The following KCNN1 variants were observed in gnomAD, a reference collection of about 807,000 sequenced individuals.
KCNN1 encodes the protein small conductance calcium-activated potassium channel protein 1.
A neutral mutation model predicts 44.7 loss-of-function variants in KCNN1; 20 were observed. The observed-to-expected ratio is 0.45, with a 90% CI of 0.32 to 0.65. The LOEUF (loss-of-function observed/expected upper bound fraction) is 0.65, where lower values mean the gene tolerates loss of function less well. Among genes scored for constraint, KCNN1 ranks in the 30% least tolerant of loss-of-function variants. KCNN1 has a pLI of 0.05. For missense variants in KCNN1, 632 were observed against 785.3 expected (o/e 0.80, Z 2.33); for synonymous variants, 324 against 341.7 (o/e 0.95, Z 0.57).
In KCNN1 at chr19:17,979,390, G is replaced by A. The variant is rs1465868719; in HGVS notation, c.499-2319G>A. On this transcript the variant is annotated intron_variant, in intron 3 of 9. Transcript: ENST00000684775. Reference sequence around the variant, plus strand: ...GGAGCTTGCAGTGAGCCGAGATCGCGTCACTGCACTCCAGCCTGGGCAATG... The same window carrying A: ...GGAGCTTGCAGTGAGCCGAGATCGCATCACTGCACTCCAGCCTGGGCAATG... Among the ~76,000 whole-genome samples, 3 of 134,858 alleles carry A rather than the reference G, an allele frequency of 2.2e-5. 1 individual carries two copies. Among genetic ancestry groups the A allele is most frequent in the African/African-American group, 2.9e-5 (1 of 34,864 alleles). The allele number at this position is 134,858 out of a possible 152,430, so 88.5% of individuals were successfully genotyped here. A position where few individuals can be genotyped will look rare whatever the true frequency, so the allele number is the denominator to read the frequency against.
chr19:17,978,274 C>T (rs566481823), intron 3 of KCNN1, among the ~76,000 whole-genome samples: 1 of 150,934 alleles, frequency 6.6e-6, no homozygotes, highest in South Asian at 2.1e-4. Flanking sequence ...TTACAGGTAC[C>T]TGCCACCACA....
chr19:17,986,722 C>T (rs530837800), intron 5 of KCNN1, among the ~76,000 whole-genome samples: 28 of 152,188 alleles, frequency 1.8e-4, no homozygotes, highest in African/African-American at 6.0e-4. Flanking sequence ...GTCATGAACT[C>T]CTGGGCTCAA....
rs929277872 is a variant in KCNN1 at position 17,999,871 on chromosome 19, C to T, written c.*1465C>T. On this transcript the variant is annotated 3_prime_UTR_variant, in exon 10 of 10. Coordinates refer to ENST00000684775, the MANE Select transcript of KCNN1 (RefSeq NM_001386974.1). ...TGAATGACCAGCTTGGGCCCACGCA[C>T]GAGAAGGGTATGAGGAGGTGCTGGT... The T allele has an allele frequency of 9.3e-6, 4 of 428,376 alleles. No homozygotes were observed. Among genetic ancestry groups the T allele is most frequent in the Non-Finnish European group, 1.9e-5 (4 of 212,008 alleles). 26.5% of individuals were successfully genotyped at this position (428,376 alleles called of 1,614,324 possible).
At chr19:17,960,491 G>C (rs1207632078) in intron 2 of KCNN1, among the ~76,000 whole-genome samples, 2 of 152,058 alleles carry the variant, frequency 1.3e-5, no homozygotes, top group Non-Finnish European at 2.9e-5. Context: ...TTAGCCAGGC[G>C]TGGTGGTGGG....
intron 2 of KCNN1, among the ~76,000 whole-genome samples, chr19:17,961,415 T>C (rs1225530193): frequency 6.6e-6 from 1 of 151,576 alleles, no homozygotes; most frequent in Non-Finnish European, 1.5e-5. Context: ...CGTCTCTACA[T>C]TTAAAAACAA....
chr19:17,989,470 C>T (rs1386420806), intron 6 of KCNN1, among the ~76,000 whole-genome samples: 1 of 152,002 alleles, frequency 6.6e-6, no homozygotes, highest in African/African-American at 2.4e-5. Context: ...AACAAACAAA[C>T]AAACAAAAAA....
At chr19:17,966,031 TCC>T (rs2031798291), upstream of KCNN1, among the ~76,000 whole-genome samples, 5 of 30,862 alleles carry the variant, frequency 1.6e-4, no homozygotes, top group Non-Finnish European at 3.3e-4. Flanking sequence ...CTGCCTTCCT[TCC>T]TTCCTTCCTT....
Position 17,988,396 on chromosome 19 carries a change from C to T in KCNN1, c.1060-19C>T. The T allele has an allele frequency of 6.3e-7, 1 of 1,599,146 alleles. No homozygotes were observed. Among genetic ancestry groups the T allele is most frequent in the South Asian group, 1.1e-5 (1 of 89,586 alleles). On this transcript the variant is annotated intron_variant, in intron 5 of 9. Coordinates refer to ENST00000684775, the MANE Select transcript of KCNN1 (RefSeq NM_001386974.1). ...CCTCAAGACAGGACGCTGATGTGCCCCCTCTGCCCTGCACACAGGGAGCTG... is the reference window on the plus strand; with the variant it reads ...CCTCAAGACAGGACGCTGATGTGCCTCCTCTGCCCTGCACACAGGGAGCTG...
chr19:17,977,550 A>G (rs1210292160), intron 3 of KCNN1, among the ~76,000 whole-genome samples: 1 of 151,868 alleles, frequency 6.6e-6, no homozygotes, highest in Non-Finnish European at 1.5e-5. Flanking sequence ...GGGTCTTACC[A>G]TGTTGGCCAG....
chr19:17,993,662 T>G lies in KCNN1; in HGVS notation c.1377+103T>G. On this transcript the variant is annotated intron_variant, in intron 9 of 9. Transcript: ENST00000684775. This position sits in a 1 kb window ranked among gnomAD's most constrained non-coding sequence, Gnocchi z 4.5. ...CGGAGGAGGGCACAAGGACCCGCTG[T>G]GGGCTGAGTGCAGTGGCGGGCGGAT... The G allele has an allele frequency of 1.1e-6, 1 of 907,144 alleles. No homozygotes were observed. The highest frequency in any genetic ancestry group is 1.9e-5 in the Admixed American group (1 of 53,426). The allele number at this position is 907,144 out of a possible 1,614,324, so 56.2% of individuals were successfully genotyped here. A position where few individuals can be genotyped will look rare whatever the true frequency, so the allele number is the denominator to read the frequency against.
In KCNN1 at chr19:17,985,493, A is replaced by C; in HGVS notation, c.1059+40A>C. 4 of 1,502,752 alleles carry C rather than the reference A, an allele frequency of 2.7e-6. No homozygotes were observed. In the South Asian group the frequency reaches 5.3e-5, roughly 20 times the overall value. The allele number at this position is 1,502,752 out of a possible 1,614,324, so 93.1% of individuals were successfully genotyped here. A position where few individuals can be genotyped will look rare whatever the true frequency, so the allele number is the denominator to read the frequency against. ...CCATGTGTATGATCCTGGGAGGTCC[A>C]GCCAGCTGCCCGCTCCACCAGCCCT... On this transcript the variant is annotated intron_variant, in intron 5 of 9. Transcript: ENST00000684775.
chr19:17,954,732 G>A (rs950291219), intron 2 of KCNN1: 3 of 152,252 alleles, frequency 2.0e-5, no homozygotes, highest in Admixed American at 1.3e-4. Flanking sequence ...GTGGCTCAGG[G>A]GTTGGATAGA....
intron 2 of KCNN1, among the ~76,000 whole-genome samples, chr19:17,961,696 C>T (rs1001066394): frequency 7.9e-5 from 12 of 151,532 alleles, no homozygotes; most frequent in Non-Finnish European, 1.5e-4. Flanking sequence ...GTTCTCCTGC[C>T]TCAGCACCCC....
Position 17,967,167 on chromosome 19 carries a change from GC to G in KCNN1, c.-227del. The G allele has an allele frequency of 1.5e-5, 14 of 945,436 alleles. No homozygotes were observed. Among genetic ancestry groups the G allele is most frequent in the South Asian group, 4.7e-5 (1 of 21,258 alleles). 58.6% of individuals were successfully genotyped at this position (945,436 alleles called of 1,614,324 possible). A position where few individuals can be genotyped will look rare whatever the true frequency, so the allele number is the denominator to read the frequency against. ...GGCGGGGGATGCGCCTGCCGCCGCC[GC>G]CCCCGGCCCCGCCGCCCCCGGGCCC... is the stretch of plus-strand genomic sequence containing the variant. On this transcript the variant is annotated 5_prime_UTR_variant, in exon 1 of 10. The change creates a premature stop within an existing upstream ORF in the 5' untranslated region. Transcript: ENST00000684775.
intron 4 of KCNN1, chr19:17,982,623 C>T: frequency 2.0e-6 from 2 of 981,510 alleles, no homozygotes; most frequent in Non-Finnish European, 2.4e-6. Flanking sequence ...CAGCCACTGC[C>T]ACCGCTGCCG....
chr19:17,977,898 T>C (rs1416616494), intron 3 of KCNN1, among the ~76,000 whole-genome samples: 1 of 152,030 alleles, frequency 6.6e-6, no homozygotes, highest in Non-Finnish European at 1.5e-5. Context: ...ACAAATTGCA[T>C]GCTTCCATTT....
At position 17,983,929 on chromosome 19, in the gene KCNN1, G is replaced by A. The variant is rs184640778; in HGVS notation, c.918-1383G>A. ...TCCCAGCACTTTGGGAGGCCGAGGC[G>A]GGTGGATTACCAGGTCAGGAGATTG... On this transcript the variant is annotated intron_variant, in intron 4 of 9. Transcript: ENST00000684775. The surrounding 1 kb of genome is among the most constrained non-coding windows in gnomAD (Gnocchi z 4.5). Among the ~76,000 whole-genome samples, 1,294 of 152,012 alleles carry A rather than the reference G, an allele frequency of 8.5e-3. 15 individuals are homozygous for A. Among genetic ancestry groups the A allele is most frequent in the Non-Finnish European group, 0.01 (701 of 67,960 alleles).
At chr19:17,986,012 C>T (rs1223159690) in intron 5 of KCNN1, among the ~76,000 whole-genome samples, 1 of 149,464 alleles carries the variant, frequency 6.7e-6, no homozygotes, top group Non-Finnish European at 1.5e-5. Context: ...GGCAGATCAC[C>T]TGAGGTTGGG....
intron 3 of KCNN1, among the ~76,000 whole-genome samples, chr19:17,980,228 A>ATTTTTT (rs34810089): frequency 0.03 from 1,334 of 44,368 alleles, 104 homozygotes; most frequent in Middle Eastern, 0.053. Context: ...CACCTAGCTA[A>ATTTTTT]TTTTTTTTTT....
Sources: gnomAD v4.1 joint callset for allele counts (sites outside exome capture counted in the v4.1 genomes callset) on GRCh38, gnomAD v4.1.1 for gene constraint, Gnocchi (gnomAD v3.1) non-coding constraint, MANE v1.5 for transcripts, NCBI Gene and HGNC (gene_info 2026-07-23, HGNC 2026-07-21) for gene names.